The following DRGX variants were observed in gnomAD, a reference collection of about 807,000 sequenced individuals.
The protein encoded by DRGX is dorsal root ganglia homeobox.
A neutral mutation model predicts 28.6 loss-of-function variants in DRGX; 21 were observed. That is an observed-to-expected ratio of 0.73 (90% CI 0.52 to 1.06). The LOEUF (loss-of-function observed/expected upper bound fraction) is 1.06. Among genes scored for constraint, DRGX ranks in the 50% least tolerant of loss-of-function variants. The probability of loss-of-function intolerance (pLI) is 0.00; values close to 1 mark genes in which losing one functional copy is unlikely to be tolerated. For synonymous variants in DRGX, 136 were observed against 139.1 expected, an observed-to-expected ratio of 0.98 and a Z score of 0.16; for missense variants, 354 against 343.9, an observed-to-expected ratio of 1.03 and a Z score of -0.23.
chr10:49,393,224 A>T (rs1849929418), intron 2 of DRGX, among the ~76,000 whole-genome samples: 1 of 152,266 alleles, frequency 6.6e-6, no homozygotes, highest in African/African-American at 2.4e-5. Context: ...GTAGATCTAT[A>T]TGCATTGGCA....
chr10:49,373,122 A>G (rs1590362161), intron 6 of DRGX, among the ~76,000 whole-genome samples: 1 of 152,208 alleles, frequency 6.6e-6, no homozygotes, highest in African/African-American at 2.4e-5. Context: ...GCTATAATGA[A>G]TGGGCTAAAA....
chr10:49,368,305 C>G (rs958160802), intron 6 of DRGX, among the ~76,000 whole-genome samples: 1 of 152,232 alleles, frequency 6.6e-6, no homozygotes, highest in African/African-American at 2.4e-5. Flanking sequence ...GCTTCACCTC[C>G]TACCTCAAGT....
At chr10:49,372,778 C>A (rs972255714) in intron 6 of DRGX, among the ~76,000 whole-genome samples, 5 of 152,190 alleles carry the variant, frequency 3.3e-5, no homozygotes, top group Non-Finnish European at 5.9e-5. Flanking sequence ...GTGTGCCTAC[C>A]CTGCCATTGG....
chr10:49,395,778 T>C (rs1293257429), intron 1 of DRGX, among the ~76,000 whole-genome samples, 157 bp downstream of exon 1: 1 of 152,170 alleles, frequency 6.6e-6, no homozygotes, highest in Non-Finnish European at 1.5e-5. Context: ...TTTCTGGCTC[T>C]CTGGGGTCCC....
At chr10:49,389,721 A>T (rs929334019) in intron 4 of DRGX, among the ~76,000 whole-genome samples, 6 of 152,306 alleles carry the variant, frequency 3.9e-5, no homozygotes, top group East Asian at 1.9e-4. Context: ...AATTTCTGGA[A>T]AGCAGATCCT....
At chr10:49,383,209 C>A (rs1324084662) in intron 6 of DRGX, among the ~76,000 whole-genome samples, 2 of 152,212 alleles carry the variant, frequency 1.3e-5, no homozygotes, top group African/African-American at 4.8e-5. Flanking sequence ...CAACTACAGA[C>A]CCCCTCTTGC....
intron 6 of DRGX, among the ~76,000 whole-genome samples, chr10:49,376,984 G>A (rs968727360): frequency 4.6e-5 from 7 of 152,132 alleles, no homozygotes; most frequent in African/African-American, 1.2e-4. Context: ...GATCCTTCAC[G>A]TAGGGATGAG....
rs185718539 is a variant in DRGX at position 49,379,971 on chromosome 10, G to T, written c.526+6507C>A. Among the ~76,000 whole-genome samples the T allele has an allele frequency of 9.2e-5, 14 of 152,352 alleles. No homozygotes were observed. The East Asian group carries it at 2.7e-3, about 29-fold the overall frequency. ...CATGTCACCTCTCCAGAGGGGATGA[G>T]GAGGAAGGCAAGGAGTCAGATCTTA... On this transcript the variant is annotated intron_variant, in intron 6 of 6. Coordinates refer to ENST00000374139, the MANE Select transcript of DRGX (RefSeq NM_001276451.2).
At chr10:49,376,395 G>A (rs1398864463) in intron 6 of DRGX, among the ~76,000 whole-genome samples, 1 of 152,164 alleles carries the variant, frequency 6.6e-6, no homozygotes, top group Admixed American at 6.5e-5. Flanking sequence ...CAAGCCAGGA[G>A]CCCTGGGAGA....
chr10:49,376,462 C>T (rs902142492), intron 6 of DRGX, among the ~76,000 whole-genome samples: 1 of 152,158 alleles, frequency 6.6e-6, no homozygotes, highest in Non-Finnish European at 1.5e-5. Context: ...CCCCAGTCAC[C>T]ATGCACTGGG....
chr10:49,393,326 A>G (rs763861203), intron 2 of DRGX, among the ~76,000 whole-genome samples: 15 of 152,256 alleles, frequency 9.9e-5, no homozygotes, highest in Non-Finnish European at 4.4e-5. Context: ...GGCAAAACAC[A>G]TATTTTAAAA....
chr10:49,386,919 C>T (rs889692111), intron 4 of DRGX, 61 bp from the exon 5 acceptor site: 1 of 1,491,364 alleles, frequency 6.7e-7, no homozygotes, highest in African/African-American at 1.4e-5. Flanking sequence ...AAGCCAGAAC[C>T]CTGGACCCAG....
chr10:49,377,324 G>T (rs1380616427), intron 6 of DRGX, among the ~76,000 whole-genome samples: 1 of 152,238 alleles, frequency 6.6e-6, no homozygotes. Context: ...GTCCCAACTG[G>T]AAGTACGGGT....
At chr10:49,375,522 T>A (rs1311557959) in intron 6 of DRGX, among the ~76,000 whole-genome samples, 1 of 152,220 alleles carries the variant, frequency 6.6e-6, no homozygotes, top group Non-Finnish European at 1.5e-5. Flanking sequence ...ATCCCTGAGT[T>A]AATTTGGAAG....
chr10:49,371,084 C>T (rs1003296297), intron 6 of DRGX, among the ~76,000 whole-genome samples: 4 of 152,182 alleles, frequency 2.6e-5, no homozygotes, highest in African/African-American at 7.2e-5. Flanking sequence ...GTCCAACAAC[C>T]AGCATCTCCC....
chr10:49,369,752 C>A (rs1038486515), intron 6 of DRGX, among the ~76,000 whole-genome samples: 1 of 151,618 alleles, frequency 6.6e-6, no homozygotes, highest in Non-Finnish European at 1.5e-5. Flanking sequence ...GCATGTTTTA[C>A]CATAATCAAA....
intron 6 of DRGX, among the ~76,000 whole-genome samples, chr10:49,382,712 C>A (rs1023714887): frequency 6.6e-6 from 1 of 152,208 alleles, no homozygotes; most frequent in African/African-American, 2.4e-5. Context: ...CTCCCATAGG[C>A]ACCCAACACA....
intron 6 of DRGX, among the ~76,000 whole-genome samples, chr10:49,372,326 G>A (rs1849667909): frequency 6.6e-6 from 1 of 152,106 alleles, no homozygotes; most frequent in African/African-American, 2.4e-5. Flanking sequence ...ACATCTCTGG[G>A]GCCAGAAAAG....
intron 3 of DRGX, among the ~76,000 whole-genome samples, chr10:49,390,570 C>T (rs1849891669): frequency 6.6e-6 from 1 of 152,128 alleles, no homozygotes; most frequent in South Asian, 2.1e-4. Flanking sequence ...TAATTGTTAT[C>T]GCTTTCACCA....
Sources: gnomAD v4.1 joint callset for allele counts (sites outside exome capture counted in the v4.1 genomes callset) on GRCh38, gnomAD v4.1.1 for gene constraint, MANE v1.5 for transcripts, NCBI Gene and HGNC (gene_info 2026-07-23, HGNC 2026-07-21) for gene names.